MYRIP: variants seen among roughly 807,000 people sequenced by gnomAD.
MYRIP encodes the protein myosin VIIA and Rab interacting protein.
MYRIP carries 49 observed loss-of-function variants against 98.0 expected under a neutral mutation model. That is an observed-to-expected ratio of 0.50 (90% CI 0.40 to 0.63). The LOEUF (loss-of-function observed/expected upper bound fraction) is 0.63, where lower values mean the gene tolerates loss of function less well. Ranked by LOEUF, MYRIP falls within the 30% of genes least tolerant of loss-of-function variation. The pLI is 0.00. For synonymous variants in MYRIP, 404 were observed against 409.5 expected, an observed-to-expected ratio of 0.99 and a Z score of 0.16; for missense variants, 1,004 against 1,058.2, an observed-to-expected ratio of 0.95 and a Z score of 0.71.
At chr3:40,021,011 A>G (rs1204086859) in intron 2 of MYRIP, among the ~76,000 whole-genome samples, 2 of 152,132 alleles carry the variant, frequency 1.3e-5, no homozygotes, top group Non-Finnish European at 2.9e-5. Flanking sequence ...ACCTCCACAG[A>G]TCTTGTAGGG....
rs1944339021 is a variant in MYRIP at position 39,923,052 on chromosome 3, T to G, written c.110+22126T>G. On this transcript the variant is annotated intron_variant, in intron 2 of 16. Coordinates refer to ENST00000302541, the MANE Select transcript of MYRIP (RefSeq NM_015460.4). ...ATAAAGAAGAACCAAGTAGAAATTT[T>G]AGATGTGAAAAATGCAATAACTGAA... Among the ~76,000 whole-genome samples, 4 of 152,064 alleles carry G rather than the reference T, an allele frequency of 2.6e-5. No individual in the cohort carries two copies. The South Asian group carries it at 8.3e-4, about 32-fold the overall frequency.
chr3:39,979,232 G>C (rs1945824583), intron 2 of MYRIP, among the ~76,000 whole-genome samples: 1 of 152,068 alleles, frequency 6.6e-6, no homozygotes, highest in Non-Finnish European at 1.5e-5. Context: ...CAATCATCCT[G>C]CCTCAGCCTC....
chr3:39,999,816 G>C (rs988415836), intron 2 of MYRIP, among the ~76,000 whole-genome samples: 12 of 151,958 alleles, frequency 7.9e-5, no homozygotes, highest in Admixed American at 5.9e-4. Flanking sequence ...GAAAATGTGG[G>C]ACATATACAC....
intron 2 of MYRIP, among the ~76,000 whole-genome samples, chr3:39,921,611 T>C (rs1422661184): frequency 6.6e-6 from 1 of 152,196 alleles, no homozygotes; most frequent in Non-Finnish European, 1.5e-5. Context: ...CTGGGTGCAG[T>C]GGCTCACGCC....
intron 2 of MYRIP, among the ~76,000 whole-genome samples, chr3:39,946,161 G>C (rs1186315120): frequency 6.6e-6 from 1 of 152,094 alleles, no homozygotes; most frequent in Non-Finnish European, 1.5e-5. Context: ...TATTGTCCCA[G>C]TAAATATGAA....
intron 1 of MYRIP, among the ~76,000 whole-genome samples, chr3:39,816,975 A>G (rs897009241): frequency 2.6e-5 from 4 of 152,160 alleles, no homozygotes; most frequent in Non-Finnish European, 5.9e-5. Flanking sequence ...TTGCCCACTT[A>G]TATGTAGGTC....
intron 2 of MYRIP, among the ~76,000 whole-genome samples, chr3:40,006,265 A>G (rs907489628): frequency 6.6e-6 from 1 of 152,112 alleles, no homozygotes; most frequent in South Asian, 2.1e-4. Context: ...TTAGAGAAGG[A>G]AAATAGAAGG....
chr3:40,053,337 T>C (rs1282816298), intron 3 of MYRIP, among the ~76,000 whole-genome samples: 1 of 152,172 alleles, frequency 6.6e-6, no homozygotes, highest in Non-Finnish European at 1.5e-5. Flanking sequence ...GCAGAGACTG[T>C]AACCACAGAG....
At chr3:39,990,551 T>C (rs1575443153) in intron 2 of MYRIP, among the ~76,000 whole-genome samples, 1 of 152,336 alleles carries the variant, frequency 6.6e-6, no homozygotes, top group East Asian at 1.9e-4. Flanking sequence ...TCTGGAAAAG[T>C]TTAAAAATCA....
rs575025331 is a variant in MYRIP at position 40,204,024 on chromosome 3, T to A, written c.1666-5830T>A. On this transcript the variant is annotated intron_variant, in intron 10 of 16. Transcript: ENST00000302541. ...ATTATATATTATATATAATATATAT[T>A]ATATATATTATATATTATATATAAT... Among the ~76,000 whole-genome samples the A allele has an allele frequency of 1.4e-3, 9 of 6,384 alleles. 1 individual carries two copies. Among genetic ancestry groups the A allele is most frequent in the South Asian group, 6.8e-3 (1 of 148 alleles). 4.2% of individuals were successfully genotyped at this position (6,384 alleles called of 152,430 possible). A position where few individuals can be genotyped will look rare whatever the true frequency, so the allele number is the denominator to read the frequency against.
intron 3 of MYRIP, among the ~76,000 whole-genome samples, chr3:40,144,102 A>T (rs948735966): frequency 6.6e-6 from 1 of 152,140 alleles, no homozygotes; most frequent in African/African-American, 2.4e-5. Context: ...AATAATAAAA[A>T]CTCAACTCAA....
chr3:40,115,997 C>T (rs1368752040), intron 3 of MYRIP, among the ~76,000 whole-genome samples: 1 of 152,152 alleles, frequency 6.6e-6, no homozygotes, highest in Non-Finnish European at 1.5e-5. Flanking sequence ...CTGCACAGCA[C>T]GAGCAAGGTT....
At chr3:39,982,197 TAG>T (rs1376808973) in intron 2 of MYRIP, among the ~76,000 whole-genome samples, 2 of 152,152 alleles carry the variant, frequency 1.3e-5, no homozygotes, top group Non-Finnish European at 2.9e-5. Flanking sequence ...ATCTGCTCTG[TAG>T]AGAGTAGTAG....
intron 2 of MYRIP, among the ~76,000 whole-genome samples, chr3:39,909,038 G>C (rs1488553157): frequency 2.0e-5 from 3 of 152,322 alleles, no homozygotes; most frequent in East Asian, 3.9e-4. Context: ...TGGTAGATCA[G>C]GTCACCTGGC....
chr3:40,001,444 C>A (rs1312906812), intron 2 of MYRIP, among the ~76,000 whole-genome samples: 1 of 152,176 alleles, frequency 6.6e-6, no homozygotes, highest in Non-Finnish European at 1.5e-5. Context: ...CTGGTAAGTA[C>A]AGCTGCTGGT....
chr3:40,220,374 CA>C (rs1319325563), intron 11 of MYRIP, among the ~76,000 whole-genome samples: 2 of 152,146 alleles, frequency 1.3e-5, no homozygotes, highest in East Asian at 1.9e-4. Flanking sequence ...CTTTTGTTGC[CA>C]TTGCTTTTGG....
intron 2 of MYRIP, among the ~76,000 whole-genome samples, chr3:39,957,338 G>A (rs1279879331): frequency 1.2e-4 from 18 of 150,908 alleles, no homozygotes; most frequent in Admixed American, 1.2e-3. Context: ...CCATGATCAA[G>A]TGGGCTTCAT....
chr3:39,864,722 G>C (rs1229552924), intron 1 of MYRIP, among the ~76,000 whole-genome samples: 2 of 152,088 alleles, frequency 1.3e-5, no homozygotes, highest in Admixed American at 1.3e-4. Context: ...TGGCCATACT[G>C]CCCAAAGCAA....
chr3:39,972,954 T>C (rs1002165952), intron 2 of MYRIP, among the ~76,000 whole-genome samples: 3 of 151,920 alleles, frequency 2.0e-5, no homozygotes, highest in Non-Finnish European at 4.4e-5. Flanking sequence ...GAAGTAGAAA[T>C]AATAAAATGC....
Sources: allele counts gnomAD v4.1 joint callset (sites outside exome capture counted in the v4.1 genomes callset), GRCh38; gene constraint gnomAD v4.1.1; transcripts MANE v1.5; gene names NCBI Gene and HGNC (gene_info 2026-07-23, HGNC 2026-07-21).